Variants in SLC10A7 observed in about 807,000 individuals in gnomAD.
SLC10A7 encodes the protein solute carrier family 10 member 7.
In SLC10A7, 29 loss-of-function variants were observed where a neutral mutation model predicts 43.2. That is an observed-to-expected ratio of 0.67 (90% CI 0.50 to 0.92). The LOEUF is 0.92. Among genes scored for constraint, SLC10A7 ranks in the 40% least tolerant of loss-of-function variants. The pLI, the probability that SLC10A7 is intolerant of heterozygous loss-of-function variation, is 0.00. For synonymous variants in SLC10A7, 152 were observed against 144.8 expected (o/e 1.05, Z -0.35); for missense variants, 295 against 403.2 (o/e 0.73, Z 2.30).
At chr4:146,453,910 A>G (rs1349738104) in intron 4 of SLC10A7, among the ~76,000 whole-genome samples, 19 of 151,956 alleles carry the variant, frequency 1.3e-4, no homozygotes, top group Non-Finnish European at 2.5e-4. Context: ...CAAGAGAGGA[A>G]GGGCAAAATC....
At chr4:146,285,785 TA>T (rs1327244875) in intron 9 of SLC10A7, among the ~76,000 whole-genome samples, 36 of 152,088 alleles carry the variant, frequency 2.4e-4, no homozygotes. Context: ...TTTGTAGTGG[TA>T]AAAAGGACTG....
Position 146,446,740 on chromosome 4 carries a change from T to TTATCTATC in SLC10A7, c.397-3927_397-3920dup, listed in dbSNP as rs150949685. On this transcript the variant is annotated intron_variant, in intron 4 of 11. Transcript: ENST00000335472. The stretch of plus-strand genomic sequence containing the variant: ...CCAGAAGTAGAAAGGGTGAGAAGGT[T>TTATCTATC]TATCTATCTATCTATCTATCTATCT... Among the ~76,000 whole-genome samples, 782 of 143,816 alleles carry TTATCTATC rather than the reference T, an allele frequency of 5.4e-3. 6 individuals are homozygous for TTATCTATC. The highest frequency in any genetic ancestry group is 5.5e-3 in the East Asian group (27 of 4,870). The allele number at this position is 143,816 out of a possible 152,430, so 94.3% of individuals were successfully genotyped here.
chr4:146,475,935 C>T (rs527348135), intron 4 of SLC10A7, among the ~76,000 whole-genome samples: 85 of 152,266 alleles, frequency 5.6e-4, no homozygotes, highest in African/African-American at 2.0e-3. Context: ...TACCTCAACA[C>T]CCATGCAAGT....
chr4:146,514,968 C>T (rs965339495), intron 2 of SLC10A7: 84 of 584,870 alleles, frequency 1.4e-4, no homozygotes, highest in Non-Finnish European at 2.3e-4. Flanking sequence ...TTAGATACCA[C>T]GATAAAGCAC....
chr4:146,331,397 T>C (rs904288322), intron 5 of SLC10A7, among the ~76,000 whole-genome samples: 19 of 152,326 alleles, frequency 1.2e-4, no homozygotes, highest in African/African-American at 4.1e-4. Flanking sequence ...TTTTGTTCAG[T>C]AGTGATGGAA....
chr4:146,311,066 G>A (rs1731945569), intron 6 of SLC10A7, among the ~76,000 whole-genome samples: 1 of 152,100 alleles, frequency 6.6e-6, no homozygotes. Flanking sequence ...CATAACTAGT[G>A]CCAGGGTAGA....
intron 3 of SLC10A7, among the ~76,000 whole-genome samples, chr4:146,507,629 C>T (rs188858561): frequency 2.0e-5 from 3 of 152,292 alleles, no homozygotes; most frequent in Non-Finnish European, 4.4e-5. Context: ...TCCTCCATGA[C>T]TACTGCCACC....
intron 5 of SLC10A7, among the ~76,000 whole-genome samples, chr4:146,387,906 T>A (rs1484741500): frequency 6.6e-6 from 1 of 152,154 alleles, no homozygotes; most frequent in Non-Finnish European, 1.5e-5. Flanking sequence ...TACAAAATAC[T>A]GATGAAAGAA....
At chr4:146,358,042 G>A (rs1578983775) in intron 5 of SLC10A7, among the ~76,000 whole-genome samples, 1 of 148,448 alleles carries the variant, frequency 6.7e-6, no homozygotes, top group South Asian at 2.1e-4. Flanking sequence ...AATGAAGCAC[G>A]ATCACTGAAA....
intron 5 of SLC10A7, among the ~76,000 whole-genome samples, chr4:146,393,829 G>C (rs903429930): frequency 1.3e-5 from 2 of 152,118 alleles, no homozygotes; most frequent in African/African-American, 4.8e-5. Flanking sequence ...TAGTCTTTAG[G>C]GGAAGGGAAT....
chr4:146,269,803 C>T (rs1728785202), intron 10 of SLC10A7, among the ~76,000 whole-genome samples: 1 of 152,154 alleles, frequency 6.6e-6, no homozygotes, highest in African/African-American at 2.4e-5. Context: ...ATGTAGTTTT[C>T]CCTAAAAGGC....
intron 5 of SLC10A7, among the ~76,000 whole-genome samples, chr4:146,430,226 G>A (rs918527411): frequency 2.0e-5 from 3 of 151,972 alleles, no homozygotes; most frequent in African/African-American, 4.8e-5. Context: ...GAGAGAGAGA[G>A]ACAATAGGGC....
intron 11 of SLC10A7, 135 bp from the exon 12 acceptor site, chr4:146,256,655 C>T (rs1372173257): frequency 1.5e-5 from 16 of 1,095,690 alleles, no homozygotes; most frequent in African/African-American, 3.1e-5. Flanking sequence ...ACCAATAATC[C>T]AAACCTCTGG....
In SLC10A7 at chr4:146,446,529, T is replaced by C. The variant is rs532050327; in HGVS notation, c.397-3708A>G. Among the ~76,000 whole-genome samples, 457 of 150,746 alleles carry C rather than the reference T, an allele frequency of 3.0e-3. 2 individuals are homozygous for C. Among genetic ancestry groups the C allele is most frequent in the African/African-American group, 0.01 (426 of 40,970 alleles). ...AGGTGGAGGTTGCAGTGAGTCGAGATTGTACCACTGCATTCCAGCCCGGGT... is the reference window on the plus strand; with the variant it reads ...AGGTGGAGGTTGCAGTGAGTCGAGACTGTACCACTGCATTCCAGCCCGGGT... On this transcript the variant is annotated intron_variant, in intron 4 of 11. Transcript: ENST00000335472.
At chr4:146,258,029 G>C (rs754745015) in intron 11 of SLC10A7, among the ~76,000 whole-genome samples, 9 of 152,202 alleles carry the variant, frequency 5.9e-5, no homozygotes, top group Non-Finnish European at 1.0e-4. Flanking sequence ...CTGGGAAGGA[G>C]TCAGTTCTAT....
chr4:146,269,651 T>G (rs1728775785), intron 10 of SLC10A7, among the ~76,000 whole-genome samples: 1 of 152,222 alleles, frequency 6.6e-6, no homozygotes, highest in Non-Finnish European at 1.5e-5. Context: ...GCTCTGGAAC[T>G]GTTGTCCAAT....
intron 2 of SLC10A7, among the ~76,000 whole-genome samples, chr4:146,511,190 C>A (rs1449464518): frequency 6.6e-6 from 1 of 152,180 alleles, no homozygotes; most frequent in South Asian, 2.1e-4. Context: ...CATAAGAAAC[C>A]AGGCACACGT....
rs149498408 is a variant in SLC10A7 at position 146,461,152 on chromosome 4, C to T, written c.397-18331G>A. Among the ~76,000 whole-genome samples the T allele has an allele frequency of 4.4e-3, 669 of 152,080 alleles. 2 individuals are homozygous for T. Among genetic ancestry groups the T allele is most frequent in the African/African-American group, 0.015 (619 of 41,536 alleles). ...ATTCAAAAAAGATACCCTTGTTTCA[C>T]ATTTATTTAAAGATGGTAAGGATTT... On this transcript the variant is annotated intron_variant, in intron 4 of 11. Coordinates refer to ENST00000335472, the MANE Select transcript of SLC10A7 (RefSeq NM_001029998.6).
chr4:146,402,614 G>C (rs1247508461), intron 5 of SLC10A7, among the ~76,000 whole-genome samples: 1 of 152,080 alleles, frequency 6.6e-6, no homozygotes, highest in Non-Finnish European at 1.5e-5. Flanking sequence ...AAACAGAAGA[G>C]GAAAGGGGAA....
Sources: allele counts gnomAD v4.1 joint callset (sites outside exome capture counted in the v4.1 genomes callset), GRCh38; gene constraint gnomAD v4.1.1; transcripts MANE v1.5; gene names NCBI Gene and HGNC (gene_info 2026-07-23, HGNC 2026-07-21).